USP45: variants seen among roughly 807,000 people sequenced by gnomAD.
USP45 encodes the protein ubiquitin carboxyl-terminal hydrolase 45.
A neutral mutation model predicts 95.8 loss-of-function variants in USP45; 89 were observed. The ratio of observed to expected loss-of-function variants is 0.93; its 90% CI spans 0.78 to 1.11. The LOEUF is 1.11. Ranked by LOEUF, USP45 falls within the 50% of genes least tolerant of loss-of-function variation. The pLI is 0.00. For synonymous variants in USP45, 281 were observed against 316.2 expected (o/e 0.89, Z 1.18); for missense variants, 898 against 942.5 (o/e 0.95, Z 0.62).
Position 99,441,464 on chromosome 6 carries a change from G to A in USP45, c.2074-1609C>T, listed in dbSNP as rs532234044. Among the ~76,000 whole-genome samples the A allele has an allele frequency of 3.9e-5, 6 of 151,964 alleles. No individual in the cohort carries two copies. In the South Asian group the frequency reaches 6.2e-4, roughly 16 times the overall value. On this transcript the variant is annotated intron_variant, in intron 15 of 17. Coordinates refer to ENST00000500704, the MANE Select transcript of USP45 (RefSeq NM_001346022.3). ...GGAGAATCACTTGAACCCAGGAGGC[G>A]GAGGTTGCAGTGAGCCGAGATCGCG... is the stretch of plus-strand genomic sequence containing the variant.
intron 2 of USP45, 95 bp from the exon 3 acceptor site, chr6:99,508,877 T>G (rs1449120374): frequency 1.9e-6 from 2 of 1,072,718 alleles, no homozygotes; most frequent in Non-Finnish European, 2.6e-6. Context: ...TGCTGTTAAC[T>G]AAAAAGCACA....
intron 13 of USP45, among the ~76,000 whole-genome samples, chr6:99,459,688 T>C (rs1483000433): frequency 2.0e-5 from 3 of 152,206 alleles, no homozygotes; most frequent in African/African-American, 4.8e-5. Context: ...TGGTGTGACA[T>C]GGTATCTCAT....
chr6:99,446,588 C>T (rs1782601684), intron 13 of USP45, 125 bp from the exon 14 acceptor site: 2 of 929,210 alleles, frequency 2.2e-6, no homozygotes, highest in Admixed American at 5.8e-5. Flanking sequence ...CCTAAGCCTA[C>T]TGAAACTAAG....
intron 4 of USP45, 44 bp from the exon 5 acceptor site, chr6:99,503,909 C>A: frequency 7.3e-7 from 1 of 1,365,150 alleles, no homozygotes; most frequent in Non-Finnish European, 9.9e-7. Context: ...AAAATATTCT[C>A]AATAATTTTG....
rs1780322783 is a variant in USP45, at chr6:99,435,600, T to C, written c.*116A>G. On this transcript the variant is annotated 3_prime_UTR_variant, in exon 18 of 18. Coordinates refer to ENST00000500704, the MANE Select transcript of USP45 (RefSeq NM_001346022.3). Reference sequence around the variant, plus strand: ...AAAATGGTGAAAAAGTTCAGGACCATTTGAGGAACATGCTATTCCTACAGA... The same window carrying C: ...AAAATGGTGAAAAAGTTCAGGACCACTTGAGGAACATGCTATTCCTACAGA... 1 of 857,328 alleles carries C rather than the reference T, an allele frequency of 1.2e-6. No homozygotes were observed. The highest frequency in any genetic ancestry group is 3.0e-5 in the Admixed American group (1 of 33,376). The allele number at this position is 857,328 out of a possible 1,614,324, so 53.1% of individuals were successfully genotyped here. A position where few individuals can be genotyped will look rare whatever the true frequency, so the allele number is the denominator to read the frequency against.
Position 99,468,556 on chromosome 6 carries a change from T to G in USP45, c.996A>C (p.Glu332Asp), listed in dbSNP as rs1157267625. 6.2e-7 allele frequency: 1 copy of G among 1,607,152 alleles called. No individual in the cohort carries two copies. Among genetic ancestry groups the G allele is most frequent in the Non-Finnish European group, 8.5e-7 (1 of 1,175,870 alleles). Residue 332 changes from glutamate (E) to aspartate (D), a missense_variant, in exon 10 of 18, where the codon GAA becomes GAC. Glu to Asp is a conservative substitution (Grantham distance 45). Transcript: ENST00000500704. The part of the protein sequence containing the change: ...NNPTTKTADD[E>D]TRKKVKAYGK... Reference sequence around the variant, plus strand: ...ACATACCTTTGACTTTTTTTCTAGTTTCATCATCAGCAGTTTTAGTAGTTG... The same window carrying G: ...ACATACCTTTGACTTTTTTTCTAGTGTCATCATCAGCAGTTTTAGTAGTTG...
intron 7 of USP45, among the ~76,000 whole-genome samples, chr6:99,483,453 G>C (rs1427060561): frequency 6.6e-6 from 1 of 152,094 alleles, no homozygotes; most frequent in Non-Finnish European, 1.5e-5. Flanking sequence ...TCGAAATCTG[G>C]TTTCTAAAGT....
At chr6:99,436,069 G>C (rs940507132) in intron 17 of USP45, among the ~76,000 whole-genome samples, 2 of 151,226 alleles carry the variant, frequency 1.3e-5, no homozygotes, top group African/African-American at 2.4e-5. Flanking sequence ...TTGTTACATA[G>C]GTATACATGT....
Position 99,468,631 on chromosome 6 carries a change from G to A in USP45, c.934-13C>T. The A allele has an allele frequency of 6.4e-7, 1 of 1,570,216 alleles. No individual in the cohort carries two copies. On this transcript the variant is annotated splice_polypyrimidine_tract_variant and intron_variant, in intron 9 of 17. Transcript: ENST00000500704. ...TAGCTTGTATTCGCTGTAAAACAAAGTTAATAGATTCTGGTCTAATAATAG... is the reference window on the plus strand; with the variant it reads ...TAGCTTGTATTCGCTGTAAAACAAAATTAATAGATTCTGGTCTAATAATAG...
At chr6:99,507,035 T>C (rs1330701089) in intron 4 of USP45, among the ~76,000 whole-genome samples, 1 of 152,140 alleles carries the variant, frequency 6.6e-6, no homozygotes, top group East Asian at 1.9e-4. Flanking sequence ...GGTGAAACCC[T>C]GTCTCTACTA....
At chr6:99,446,549 A>C (rs1449039536) in intron 13 of USP45, 86 bp from the exon 14 acceptor site, 9 of 1,198,288 alleles carry the variant, frequency 7.5e-6, no homozygotes, top group Non-Finnish European at 1.0e-5. Flanking sequence ...TATCATAGTT[A>C]TTAAATACCA....
At chr6:99,475,214 A>C (rs1342374839) in intron 9 of USP45, among the ~76,000 whole-genome samples, 1 of 152,174 alleles carries the variant, frequency 6.6e-6, no homozygotes, top group Non-Finnish European at 1.5e-5. Flanking sequence ...AGAGCCAGAG[A>C]AACTAGGATA....
chr6:99,478,369 A>G lies in USP45; in HGVS notation c.846-2139T>C, dbSNP rs1408737204. Reference sequence around the variant, plus strand: ...AAAGGATTAAAAGATAAAAATCACCAAACATATGAAAATATTCAGCCTATT... The same window carrying G: ...AAAGGATTAAAAGATAAAAATCACCGAACATATGAAAATATTCAGCCTATT... On this transcript the variant is annotated intron_variant, in intron 8 of 17. Coordinates refer to ENST00000500704, the MANE Select transcript of USP45 (RefSeq NM_001346022.3). Among the ~76,000 whole-genome samples, 4 of 152,108 alleles carry G rather than the reference A, an allele frequency of 2.6e-5. No homozygotes were observed. The East Asian group carries it at 5.8e-4, about 22-fold the overall frequency.
chr6:99,445,911 G>A lies in USP45; in HGVS notation c.1861C>T (p.Gln621Ter). The change falls in exon 14 of 18, where the codon CAG becomes TAG. Residue 621 changes from glutamine to a stop codon, truncating the protein, a stop_gained. Transcript: ENST00000500704. LOFTEE classifies it high-confidence loss of function. ...GATGTAAACTGGTAGAGACAGGACT[G>A]AATTGAACATTCTTTAGAAGTAGTT... ...YITTSKECSI[Q>*]SCLYQFTSME... 1 of 1,614,056 alleles carries A rather than the reference G, an allele frequency of 6.2e-7. No homozygotes were observed. The highest frequency in any genetic ancestry group is 8.5e-7 in the Non-Finnish European group (1 of 1,180,016).
chr6:99,488,751 T>C lies in USP45; in HGVS notation c.548A>G (p.Lys183Arg). The C allele has an allele frequency of 6.2e-7, 1 of 1,608,294 alleles. No individual in the cohort carries two copies. The highest frequency in any genetic ancestry group is 8.5e-7 in the Non-Finnish European group (1 of 1,177,966). Residue 183 changes from lysine (K) to arginine (R), a missense_variant, in exon 6 of 18, where the codon AAA becomes AGA. Lys to Arg is a conservative substitution (Grantham distance 26). Coordinates refer to ENST00000500704, the MANE Select transcript of USP45 (RefSeq NM_001346022.3). ...TCCTCTTACAGATAAATTTCTGCAT[T>C]TTCCTCCCTTCTGTATTTCATCTGT... is the stretch of plus-strand genomic sequence containing the variant. ...CETDEIQKGGKCRNLSVRGIT... is the reference protein window; with the variant it reads ...CETDEIQKGGRCRNLSVRGIT...
chr6:99,445,869 C>T lies in USP45; in HGVS notation c.1903G>A (p.Gly635Arg), dbSNP rs1336093576. ...TTCTCACATAGAAGCTTATTATTCCCCATTAGTAATTCCATAGATGTAAAC... is the reference window on the plus strand; with the variant it reads ...TTCTCACATAGAAGCTTATTATTCCTCATTAGTAATTCCATAGATGTAAAC... ...YQFTSMELLM[G>R]NNKLLCENCT... Residue 635 changes from glycine (G) to arginine (R), a missense_variant, in exon 14 of 18, where the codon GGG becomes AGG. Coordinates refer to ENST00000500704, the MANE Select transcript of USP45 (RefSeq NM_001346022.3). The T allele has an allele frequency of 6.2e-7, 1 of 1,611,264 alleles. No homozygotes were observed.
At chr6:99,448,245 G>C (rs1356959755) in intron 13 of USP45, among the ~76,000 whole-genome samples, 1 of 152,166 alleles carries the variant, frequency 6.6e-6, no homozygotes, top group African/African-American at 2.4e-5. Context: ...ACTTCTCCTA[G>C]CTAAATGAGG....
intron 13 of USP45, among the ~76,000 whole-genome samples, chr6:99,458,809 A>T (rs1045800722): frequency 2.6e-5 from 4 of 152,198 alleles, no homozygotes; most frequent in African/African-American, 9.7e-5. Context: ...GGAGAATGGG[A>T]CTGTTCGTGG....
intron 5 of USP45, among the ~76,000 whole-genome samples, chr6:99,499,452 A>G (rs1046975084): frequency 6.6e-6 from 1 of 152,210 alleles, no homozygotes; most frequent in Non-Finnish European, 1.5e-5. Context: ...AGCCGCATAC[A>G]AGGCACAATA....
Sources: allele counts gnomAD v4.1 joint callset (sites outside exome capture counted in the v4.1 genomes callset), GRCh38; gene constraint gnomAD v4.1.1; transcripts MANE v1.5; gene names NCBI Gene and HGNC (gene_info 2026-07-23, HGNC 2026-07-21).